SCML4: variants seen among roughly 807,000 people sequenced by gnomAD.
The protein encoded by SCML4 is sex comb on midleg-like protein 4.
In SCML4, 34 loss-of-function variants were observed where a neutral mutation model predicts 41.1. The observed-to-expected ratio is 0.83, with a 90% CI of 0.63 to 1.10. The LOEUF is 1.10. SCML4 is among the 50% of genes least tolerant of loss of function. The probability of loss-of-function intolerance (pLI) is 0.00; values close to 1 mark genes in which losing one functional copy is unlikely to be tolerated. For missense variants in SCML4, 522 were observed against 534.1 expected, an observed-to-expected ratio of 0.98 and a Z score of 0.22; for synonymous variants, 214 against 220.9, an observed-to-expected ratio of 0.97 and a Z score of 0.28.
At chr6:107,751,592 TTCTTTCTTTC>T (rs1778645819) in intron 2 of SCML4, among the ~76,000 whole-genome samples, 1 of 130,316 alleles carries the variant, frequency 7.7e-6, no homozygotes, top group African/African-American at 3.0e-5. Context: ...CTTTCTTTCT[TTCTTTCTTTC>T]TTTCTTTCTT....
At chr6:107,813,056 G>C (rs1411679242) in intron 1 of SCML4, among the ~76,000 whole-genome samples, 1 of 151,842 alleles carries the variant, frequency 6.6e-6, no homozygotes. Context: ...TTCAAATCAT[G>C]TTTATTGTTA....
At chr6:107,743,952 ATC>A (rs1369594357) in intron 5 of SCML4, 3 of 152,164 alleles carry the variant, frequency 2.0e-5, no homozygotes, top group African/African-American at 7.2e-5. Context: ...CTGCAGATGT[ATC>A]TGTTTTTTAT....
intron 1 of SCML4, among the ~76,000 whole-genome samples, chr6:107,801,647 T>G (rs1783136678): frequency 6.6e-6 from 1 of 152,206 alleles, no homozygotes; most frequent in South Asian, 2.1e-4. Context: ...CTTCTAGGTA[T>G]TCTTACATAT....
At chr6:107,752,458 A>T (rs920765024) in intron 2 of SCML4, among the ~76,000 whole-genome samples, 1 of 152,152 alleles carries the variant, frequency 6.6e-6, no homozygotes, top group African/African-American at 2.4e-5. Context: ...AAGTGAATGT[A>T]GATGGAGAAG....
At chr6:107,843,331 G>A in the SCML4 span, among the ~76,000 whole-genome samples, 4 of 152,126 alleles carry the variant, frequency 2.6e-5, no homozygotes, top group Admixed American at 1.3e-4. Flanking sequence ...TATTTTTTGG[G>A]AAAGGCAGGA....
the SCML4 span, among the ~76,000 whole-genome samples, chr6:107,831,961 G>A: frequency 6.6e-6 from 1 of 152,048 alleles, no homozygotes; most frequent in African/African-American, 2.4e-5. Context: ...TACTCGGGAG[G>A]CTGAGGCAGG....
intron 1 of SCML4, 144 bp from the exon 2 acceptor site, chr6:107,772,530 C>A: frequency 1.9e-6 from 1 of 529,606 alleles, no homozygotes; most frequent in Non-Finnish European, 3.3e-6. Flanking sequence ...CTAGGTACCA[C>A]TAGATGCATT....
At chr6:107,748,458 T>C (rs954213526) in intron 3 of SCML4, among the ~76,000 whole-genome samples, 1 of 152,224 alleles carries the variant, frequency 6.6e-6, no homozygotes, top group African/African-American at 2.4e-5. Context: ...GGTTTGGTGG[T>C]ATTATTACTG....
At chr6:107,733,987 C>T (rs1232116629) in intron 5 of SCML4, among the ~76,000 whole-genome samples, 1 of 152,112 alleles carries the variant, frequency 6.6e-6, no homozygotes, top group Admixed American at 6.5e-5. Flanking sequence ...GGAGTGGGGG[C>T]GCCACATGAG....
chr6:107,740,459 T>C (rs1446292759), intron 5 of SCML4, among the ~76,000 whole-genome samples: 3 of 152,330 alleles, frequency 2.0e-5, no homozygotes, highest in Admixed American at 6.5e-5. Flanking sequence ...AGACAAGCTC[T>C]AAAAGATGGC....
chr6:107,793,457 C>T (rs1562264278), intron 1 of SCML4, among the ~76,000 whole-genome samples: 1 of 152,148 alleles, frequency 6.6e-6, no homozygotes, highest in Non-Finnish European at 1.5e-5. Flanking sequence ...AAGCTGAACA[C>T]CTGCAGAACA....
At chr6:107,834,505 A>T in the SCML4 span, among the ~76,000 whole-genome samples, 1 of 152,240 alleles carries the variant, frequency 6.6e-6, no homozygotes, top group African/African-American at 2.4e-5. Context: ...GAAAAGACTT[A>T]CACACACTGA....
At chr6:107,825,981 G>A (rs774045068), upstream of SCML4, among the ~76,000 whole-genome samples, 55 of 150,268 alleles carry the variant, frequency 3.7e-4, no homozygotes, top group Non-Finnish European at 6.8e-4. Flanking sequence ...TGGGCTAGGT[G>A]TGGTGGCTCA....
chr6:107,802,226 G>T (rs1783195557), intron 1 of SCML4, among the ~76,000 whole-genome samples: 1 of 152,156 alleles, frequency 6.6e-6, no homozygotes, highest in Non-Finnish European at 1.5e-5. Flanking sequence ...ATGATATGCA[G>T]CAAGTCAGGT....
chr6:107,831,696 A>G, the SCML4 span, among the ~76,000 whole-genome samples: 5 of 152,336 alleles, frequency 3.3e-5, no homozygotes, highest in South Asian at 1.0e-3. Flanking sequence ...AAGCGGGCAG[A>G]TTACTTGCAG....
chr6:107,741,605 T>C (rs1777604728), intron 5 of SCML4, among the ~76,000 whole-genome samples: 1 of 152,208 alleles, frequency 6.6e-6, no homozygotes, highest in African/African-American at 2.4e-5. Flanking sequence ...TACCACACTG[T>C]AGGTTTGTCC....
At chr6:107,782,414 G>T (rs1344658813) in intron 1 of SCML4, among the ~76,000 whole-genome samples, 4 of 152,196 alleles carry the variant, frequency 2.6e-5, no homozygotes, top group African/African-American at 9.6e-5. Flanking sequence ...CGGTCCCGGG[G>T]GGCTGAGTGT....
intron 1 of SCML4, among the ~76,000 whole-genome samples, chr6:107,796,222 T>G (rs552159282): frequency 6.6e-6 from 1 of 152,208 alleles, no homozygotes; most frequent in East Asian, 1.9e-4. Flanking sequence ...GTAGGGTAGG[T>G]TATGTTTAAC....
intron 5 of SCML4, among the ~76,000 whole-genome samples, chr6:107,743,090 A>G (rs569600976): frequency 4.6e-5 from 7 of 152,284 alleles, no homozygotes; most frequent in East Asian, 1.9e-4. Flanking sequence ...CCTTGTTTCT[A>G]TTCTTGTCTG....
Sources: allele counts gnomAD v4.1 joint callset (sites outside exome capture counted in the v4.1 genomes callset), GRCh38; gene constraint gnomAD v4.1.1; transcripts MANE v1.5; gene names NCBI Gene and HGNC (gene_info 2026-07-23, HGNC 2026-07-21).